GRID2IP: variants seen among roughly 807,000 people sequenced by gnomAD.
The protein encoded by GRID2IP is Grid2 interacting protein, also known as delphilin.
GRID2IP carries 78 observed loss-of-function variants against 114.3 expected under a neutral mutation model. The observed-to-expected ratio is 0.68, with a 90% CI of 0.57 to 0.82. The LOEUF (loss-of-function observed/expected upper bound fraction) is 0.82. Among genes scored for constraint, GRID2IP ranks in the 40% least tolerant of loss-of-function variants. GRID2IP has a pLI of 0.00. For synonymous variants in GRID2IP, 809 were observed against 724.0 expected, an observed-to-expected ratio of 1.12 and a Z score of -1.89; for missense variants, 1,727 against 1,678.5, an observed-to-expected ratio of 1.03 and a Z score of -0.51.
In GRID2IP at chr7:6,504,800, G is replaced by T; in HGVS notation, c.2703C>A (p.Tyr901Ter). 1 of 1,551,228 alleles carries T rather than the reference G, an allele frequency of 6.4e-7. No individual in the cohort carries two copies. Among genetic ancestry groups the T allele is most frequent in the Non-Finnish European group, 8.7e-7 (1 of 1,146,666 alleles). The change falls in exon 15 of 22, where the codon TAC becomes TAA. Residue 901 changes from tyrosine (Y) to a stop codon, truncating the protein, a stop_gained. Coordinates refer to ENST00000457091, the MANE Select transcript of GRID2IP (RefSeq NM_001145118.2). LOFTEE classifies it high-confidence loss of function. Reference sequence around the variant, plus strand: ...GGTTCCCCGGACCCTCACAGGTGTTGTAGGCCTTCTTATGGGACAGGATCT... The same window carrying T: ...GGTTCCCCGGACCCTCACAGGTGTTTTAGGCCTTCTTATGGGACAGGATCT... ...VVEILSHKKA[Y>*]NTSILLAHLK...
intron 8 of GRID2IP, among the ~76,000 whole-genome samples, chr7:6,512,571 T>A (rs1390233182): frequency 3.3e-5 from 5 of 151,308 alleles, no homozygotes; most frequent in Admixed American, 3.3e-4. Flanking sequence ...AGTGTAGTGG[T>A]GCGATCTCAG....
At position 6,497,206 on chromosome 7, in the gene GRID2IP, G is replaced by A. The variant is rs144544720; in HGVS notation, c.*568C>T. Among the ~76,000 whole-genome samples the A allele has an allele frequency of 2.0e-5, 3 of 152,336 alleles. No individual in the cohort carries two copies. Among genetic ancestry groups the A allele is most frequent in the African/African-American group, 7.2e-5 (3 of 41,580 alleles). On this transcript the variant is annotated 3_prime_UTR_variant, in exon 22 of 22. Coordinates refer to ENST00000457091, the MANE Select transcript of GRID2IP (RefSeq NM_001145118.2). ...TCAATTCCGCAGTCTGACATAGGGG[G>A]TCTTCCTTCTCCAGTCCTTCCTTCC...
chr7:6,514,330 G>C (rs571369000), intron 8 of GRID2IP, 45 bp downstream of exon 8: 4 of 1,450,140 alleles, frequency 2.8e-6, no homozygotes, highest in Non-Finnish European at 3.7e-6. Context: ...GAGCTGGACA[G>C]TCAGCAGCTG....
chr7:6,524,939 C>T (rs1265003921), intron 4 of GRID2IP, among the ~76,000 whole-genome samples: 10 of 151,614 alleles, frequency 6.6e-5, no homozygotes, highest in Admixed American at 3.3e-4. Context: ...AGGATGGTCT[C>T]GATCTCCTGA....
chr7:6,520,958 T>G lies in GRID2IP; in HGVS notation c.1085-197A>C, dbSNP rs1473527311. Among the ~76,000 whole-genome samples the G allele has an allele frequency of 6.6e-6, 1 of 152,064 alleles. No individual in the cohort carries two copies. Among genetic ancestry groups the G allele is most frequent in the East Asian group, 1.9e-4 (1 of 5,190 alleles). ...CAGCCCTGGGAAGGGTCCCTAAGGCTATACACTAGGGTTTTTTGTTTGTTT... is the reference window on the plus strand; with the variant it reads ...CAGCCCTGGGAAGGGTCCCTAAGGCGATACACTAGGGTTTTTTGTTTGTTT... On this transcript the variant is annotated intron_variant, in intron 6 of 21. Transcript: ENST00000457091. The surrounding 1 kb of genome is among the most constrained non-coding windows in gnomAD (Gnocchi z 4.6).
intron 7 of GRID2IP, among the ~76,000 whole-genome samples, chr7:6,517,323 C>G (rs986221982): frequency 9.9e-5 from 15 of 152,072 alleles, no homozygotes; most frequent in Non-Finnish European, 1.8e-4. Flanking sequence ...TCCCAAGGTG[C>G]TGGGATTACA....
At chr7:6,522,025 C>T in intron 4 of GRID2IP, 68 bp from the exon 5 acceptor site, 14 of 1,294,714 alleles carry the variant, frequency 1.1e-5, no homozygotes, top group Non-Finnish European at 1.5e-5. Context: ...AGGATGCTAT[C>T]CTGTTTTACA....
chr7:6,515,697 C>T (rs772814765), intron 7 of GRID2IP, among the ~76,000 whole-genome samples: 1 of 143,494 alleles, frequency 7.0e-6, no homozygotes, highest in African/African-American at 2.6e-5. Flanking sequence ...AGAATCGCCT[C>T]GCCTGAGCTC....
At position 6,551,046 on chromosome 7, in the gene GRID2IP, G is replaced by A; in HGVS notation, c.391C>T (p.Arg131Ter). Residue 131 changes from arginine to a stop codon, truncating the protein, a stop_gained, in exon 1 of 22, where the codon CGA becomes TGA. Coordinates refer to ENST00000457091, the MANE Select transcript of GRID2IP (RefSeq NM_001145118.2). LOFTEE classifies it high-confidence loss of function. ...TCTTGGGCCTTGCGCCTGCGCTCTC[G>A]GTGCACCGCGTCCGGGCGCTTGCGG... ...AGRKRPDAVH[R>*]ERRRKAQEFS... 4.6e-6 allele frequency: 6 copies of A among 1,292,944 alleles called. No individual in the cohort carries two copies. Among genetic ancestry groups the A allele is most frequent in the Non-Finnish European group, 5.9e-6 (6 of 1,023,354 alleles). 80.1% of individuals were successfully genotyped at this position (1,292,944 alleles called of 1,614,324 possible).
rs538082182 is a variant in GRID2IP, at chr7:6,528,463, A to C, written c.585-1694T>G. 2.6e-5 allele frequency among the ~76,000 whole-genome samples: 4 copies of C among 152,286 alleles called. No homozygotes were observed. In the South Asian group the frequency reaches 8.3e-4, roughly 32 times the overall value. Reference sequence around the variant, plus strand: ...CAGAGAACAGACTTCAGCGCTCAGCACTGTGGCAGGACCTCTAACAAGAGC... The same window carrying C: ...CAGAGAACAGACTTCAGCGCTCAGCCCTGTGGCAGGACCTCTAACAAGAGC... On this transcript the variant is annotated intron_variant, in intron 2 of 21. Transcript: ENST00000457091. This position sits in a 1 kb window ranked among gnomAD's most constrained non-coding sequence, Gnocchi z 6.0.
intron 7 of GRID2IP, 101 bp from the exon 8 acceptor site, chr7:6,514,630 CCCTCA>C: frequency 9.5e-7 from 1 of 1,052,706 alleles, no homozygotes; most frequent in Non-Finnish European, 1.3e-6. Context: ...ACAGCGTCTG[CCCTCA>C]TGCCCTATCC....
rs1025671513 is a variant in GRID2IP, at chr7:6,497,456, G to A, written c.*318C>T. 1.0e-4 allele frequency: 28 copies of A among 266,718 alleles called. No homozygotes were observed. The highest frequency in any genetic ancestry group is 5.8e-4 in the African/African-American group (26 of 45,128). 16.5% of individuals were successfully genotyped at this position (266,718 alleles called of 1,614,324 possible). On this transcript the variant is annotated 3_prime_UTR_variant, in exon 22 of 22. Coordinates refer to ENST00000457091, the MANE Select transcript of GRID2IP (RefSeq NM_001145118.2). ...CATGTCCCAGGAATGTGGCCACTTT[G>A]TAATCCACCCTCCAGGCCCCCCTGA...
chr7:6,524,271 T>C (rs1378058345), intron 4 of GRID2IP, among the ~76,000 whole-genome samples: 1 of 152,124 alleles, frequency 6.6e-6, no homozygotes, highest in Non-Finnish European at 1.5e-5. Context: ...ATCCATACAC[T>C]GGAGATGTGA....
chr7:6,504,735 C>T, intron 15 of GRID2IP, 58 bp downstream of exon 15: 1 of 1,356,424 alleles, frequency 7.4e-7, no homozygotes, highest in Non-Finnish European at 1.0e-6. Flanking sequence ...AGGTCTGAGG[C>T]CCAGAGAAAG....
chr7:6,513,455 A>G (rs1238959690), intron 8 of GRID2IP, among the ~76,000 whole-genome samples: 1 of 151,738 alleles, frequency 6.6e-6, no homozygotes. Flanking sequence ...CCTGAGCTCA[A>G]GTGATGCTTC....
chr7:6,508,116 G>T lies in GRID2IP; in HGVS notation c.2413C>A (p.Pro805Thr). 1 of 1,527,440 alleles carries T rather than the reference G, an allele frequency of 6.5e-7. No homozygotes were observed. Among genetic ancestry groups the T allele is most frequent in the Non-Finnish European group, 8.8e-7 (1 of 1,138,316 alleles). The allele number at this position is 1,527,440 out of a possible 1,614,324, so 94.6% of individuals were successfully genotyped here. A position where few individuals can be genotyped will look rare whatever the true frequency, so the allele number is the denominator to read the frequency against. The change falls in exon 13 of 22, where the codon CCA becomes ACA. Residue 805 changes from proline (P) to threonine (T), a missense_variant. Coordinates refer to ENST00000457091, the MANE Select transcript of GRID2IP (RefSeq NM_001145118.2). This position sits in a 1 kb window ranked among gnomAD's most constrained non-coding sequence, Gnocchi z 5.6. ...VPPPPPPPLP[P>T]PVPCAPPMLS... ...ATGGGGGGTGCACAGGGCACGGGTG[G>T]GGGCAGGGGCGGTGGGGGTGGTGGA...
chr7:6,518,332 T>C (rs1036488333), intron 7 of GRID2IP, among the ~76,000 whole-genome samples: 3 of 152,150 alleles, frequency 2.0e-5, no homozygotes, highest in Admixed American at 1.3e-4. Context: ...CAGTAATTTA[T>C]AGAGAAAAAT....
chr7:6,539,336 G>A (rs367727749), intron 2 of GRID2IP, among the ~76,000 whole-genome samples: 5 of 151,996 alleles, frequency 3.3e-5, no homozygotes, highest in Admixed American at 3.3e-4. Flanking sequence ...TATGTTGCGT[G>A]GGCTGGTCTT....
intron 8 of GRID2IP, among the ~76,000 whole-genome samples, chr7:6,513,150 A>C (rs1779211740): frequency 6.6e-6 from 1 of 152,162 alleles, no homozygotes; most frequent in Non-Finnish European, 1.5e-5. Context: ...CTGGGAGCCC[A>C]CCAGCCAGGT....
Sources: gnomAD v4.1 joint callset for allele counts (sites outside exome capture counted in the v4.1 genomes callset) on GRCh38, gnomAD v4.1.1 for gene constraint, Gnocchi (gnomAD v3.1) non-coding constraint, MANE v1.5 for transcripts, NCBI Gene and HGNC (gene_info 2026-07-23, HGNC 2026-07-21) for gene names.